Variants in TMTC1 observed in about 807,000 individuals in gnomAD.
TMTC1 encodes the protein transmembrane O-mannosyltransferase targeting cadherins 1.
A neutral mutation model predicts 104.8 loss-of-function variants in TMTC1; 73 were observed. The ratio of observed to expected loss-of-function variants is 0.70; its 90% CI spans 0.58 to 0.85. TMTC1 has a LOEUF of 0.85. TMTC1 is among the 40% of genes least tolerant of loss of function. The pLI is 0.00. For missense variants in TMTC1, 1,035 were observed against 1,096.1 expected, an observed-to-expected ratio of 0.94 and a Z score of 0.79; for synonymous variants, 434 against 428.7, an observed-to-expected ratio of 1.01 and a Z score of -0.15.
At chr12:29,778,637 G>A (rs1038065) in intron 1 of TMTC1, among the ~76,000 whole-genome samples, 17,678 of 152,226 alleles carry the variant, frequency 0.12, 1,184 homozygotes, top group African/African-American at 0.19. Context: ...GCATGCCCTT[G>A]GGCATGATCT....
intron 5 of TMTC1, among the ~76,000 whole-genome samples, chr12:29,663,575 G>A (rs1940133851): frequency 6.6e-6 from 1 of 151,818 alleles, no homozygotes; most frequent in African/African-American, 2.4e-5. Flanking sequence ...AGAGTGTAGT[G>A]GCGTGATCTC....
chr12:29,726,531 G>A (rs1222978182), intron 5 of TMTC1, among the ~76,000 whole-genome samples: 2 of 152,142 alleles, frequency 1.3e-5, no homozygotes, highest in Non-Finnish European at 2.9e-5. Flanking sequence ...GCCAAGACAA[G>A]CATATAAACA....
intron 15 of TMTC1, among the ~76,000 whole-genome samples, chr12:29,515,670 C>T (rs977169458): frequency 1.3e-5 from 2 of 151,906 alleles, no homozygotes; most frequent in Non-Finnish European, 2.9e-5. Flanking sequence ...TTCCTGGGCA[C>T]AGCTATCACT....
At chr12:29,780,051 G>A (rs1354493777) in intron 1 of TMTC1, among the ~76,000 whole-genome samples, 1 of 152,208 alleles carries the variant, frequency 6.6e-6, no homozygotes, top group African/African-American at 2.4e-5. Flanking sequence ...GGATTACTCA[G>A]ACACTGCGGC....
Position 29,757,019 on chromosome 12 carries a change from A to G in TMTC1, c.555-1134T>C, listed in dbSNP as rs145884609. Among the ~76,000 whole-genome samples the G allele has an allele frequency of 1.3e-3, 191 of 152,332 alleles. 1 individual carries two copies. The highest frequency in any genetic ancestry group is 4.3e-3 in the African/African-American group (180 of 41,574). On this transcript the variant is annotated intron_variant, in intron 3 of 17. Transcript: ENST00000539277. Reference sequence around the variant, plus strand: ...AGAGAACAAGTTTAAACTCCAAAGCAATTATTACTTCTATTCTAATGCCAG... The same window carrying G: ...AGAGAACAAGTTTAAACTCCAAAGCGATTATTACTTCTATTCTAATGCCAG...
At chr12:29,643,276 A>G (rs953068611) in intron 5 of TMTC1, among the ~76,000 whole-genome samples, 1 of 151,592 alleles carries the variant, frequency 6.6e-6, no homozygotes, top group African/African-American at 2.4e-5. Flanking sequence ...CATTTGATGC[A>G]GCAATCCCAC....
Position 29,751,782 on chromosome 12 carries a change from C to T in TMTC1, c.822G>A (p.Gly274=), listed in dbSNP as rs1288685687. ...CTTTGTGAGGGAACCGCTGCTGCTTCCCATTCTCCCGGTGAGGATGGCCTG... is the reference window on the plus strand; with the variant it reads ...CTTTGTGAGGGAACCGCTGCTGCTTTCCATTCTCCCGGTGAGGATGGCCTG... ...SLPGHPHREN[G]KQQRFPHKGA... Residue 274 remains glycine (G), a synonymous_variant, in exon 5 of 18, where the codon GGG becomes GGA. Coordinates refer to ENST00000539277, the MANE Select transcript of TMTC1 (RefSeq NM_001193451.2). The T allele has an allele frequency of 1.2e-6, 2 of 1,613,892 alleles. No homozygotes were observed. The highest frequency in any genetic ancestry group is 4.5e-5 in the East Asian group (2 of 44,840).
At chr12:29,779,231 C>T (rs1943779208) in intron 1 of TMTC1, among the ~76,000 whole-genome samples, 1 of 152,226 alleles carries the variant, frequency 6.6e-6, no homozygotes, top group Admixed American at 6.5e-5. Flanking sequence ...AAACCTATGC[C>T]AACATTCTGA....
intron 6 of TMTC1, among the ~76,000 whole-genome samples, chr12:29,617,193 A>C (rs1302666655): frequency 6.6e-6 from 1 of 151,966 alleles, no homozygotes; most frequent in African/African-American, 2.4e-5. Flanking sequence ...TTAGTCATGC[A>C]ATTAGTCATG....
chr12:29,621,589 G>A (rs148407391), intron 6 of TMTC1, among the ~76,000 whole-genome samples: 3 of 152,310 alleles, frequency 2.0e-5, no homozygotes, highest in African/African-American at 7.2e-5. Flanking sequence ...TTTTTGGAAT[G>A]AGGTGAGGAT....
intron 5 of TMTC1, among the ~76,000 whole-genome samples, chr12:29,683,660 A>T (rs1185743139): frequency 6.6e-6 from 1 of 152,332 alleles, no homozygotes; most frequent in Non-Finnish European, 1.5e-5. Flanking sequence ...TCTCTTTTAG[A>T]CAATTCAAAA....
At chr12:29,658,823 G>A (rs1939881115) in intron 5 of TMTC1, 1 of 154,972 alleles carries the variant, frequency 6.5e-6, no homozygotes, top group Non-Finnish European at 1.4e-5. Context: ...AGAAGATGGT[G>A]GTTCCAGCCA....
At chr12:29,516,323 G>A (rs1398678202) in intron 15 of TMTC1, 26 bp downstream of exon 15, 1 of 1,598,632 alleles carries the variant, frequency 6.3e-7, no homozygotes, top group African/African-American at 1.3e-5. Flanking sequence ...TGAATCCAAA[G>A]AACTCTAAAC....
intron 5 of TMTC1, chr12:29,659,987 C>T: frequency 6.5e-7 from 1 of 1,532,866 alleles, no homozygotes; most frequent in African/African-American, 1.4e-5. Flanking sequence ...CAAGCACCTT[C>T]AGAAAATAAG....
intron 2 of TMTC1, among the ~76,000 whole-genome samples, chr12:29,759,976 T>C (rs78831252): frequency 0.02 from 3,094 of 152,344 alleles, 99 homozygotes; most frequent in African/African-American, 0.068. Context: ...GAGCCACATA[T>C]ATGATGGTGG....
chr12:29,638,081 A>G (rs1361548798), intron 5 of TMTC1, among the ~76,000 whole-genome samples: 1 of 152,018 alleles, frequency 6.6e-6, no homozygotes, highest in Non-Finnish European at 1.5e-5. Flanking sequence ...CTGGGTAGAG[A>G]AGGGCGGGGT....
chr12:29,542,918 T>G (rs1298543375), intron 10 of TMTC1, among the ~76,000 whole-genome samples: 1 of 152,078 alleles, frequency 6.6e-6, no homozygotes, highest in Admixed American at 6.5e-5. Context: ...TATCCTTGAT[T>G]GCATATCCAA....
At chr12:29,741,135 C>A (rs1251344668) in intron 5 of TMTC1, among the ~76,000 whole-genome samples, 1 of 152,160 alleles carries the variant, frequency 6.6e-6, no homozygotes, top group Admixed American at 6.5e-5. Flanking sequence ...ATACATAAAA[C>A]ACAAAACTTA....
intron 7 of TMTC1, among the ~76,000 whole-genome samples, chr12:29,601,497 C>G (rs995576481): frequency 6.6e-6 from 1 of 152,196 alleles, no homozygotes; most frequent in Admixed American, 6.5e-5. Context: ...CTCTTAGAAG[C>G]TTGATCACCA....
Sources: allele counts gnomAD v4.1 joint callset (sites outside exome capture counted in the v4.1 genomes callset), GRCh38; gene constraint gnomAD v4.1.1; transcripts MANE v1.5; gene names NCBI Gene and HGNC (gene_info 2026-07-23, HGNC 2026-07-21).